ANKFN1: variants seen among roughly 807,000 people sequenced by gnomAD.
The protein encoded by ANKFN1 is ankyrin repeat and fibronectin type-III domain-containing protein 1.
In ANKFN1, 74 loss-of-function variants were observed where a neutral mutation model predicts 108.7. That is an observed-to-expected ratio of 0.68 (90% confidence interval 0.56 to 0.83). ANKFN1 has a LOEUF of 0.83. ANKFN1 is among the 40% of genes least tolerant of loss of function. The pLI is 0.00. For synonymous variants in ANKFN1, 547 were observed against 516.2 expected, an observed-to-expected ratio of 1.06 and a Z score of -0.81; for missense variants, 1,505 against 1,382.3, an observed-to-expected ratio of 1.09 and a Z score of -1.41.
At chr17:56,386,235 A>G (rs2047263252) in intron 8 of ANKFN1, among the ~76,000 whole-genome samples, 1 of 149,530 alleles carries the variant, frequency 6.7e-6, no homozygotes, top group Non-Finnish European at 1.5e-5. Context: ...AAAACCAAAC[A>G]CCATATGTTC....
chr17:56,456,401 C>CTTTTTTTTTTTTTTTTTT (rs397713657), intron 11 of ANKFN1, among the ~76,000 whole-genome samples: 1 of 115,498 alleles, frequency 8.7e-6, no homozygotes, highest in African/African-American at 3.3e-5. Flanking sequence ...CTTTTTTTCT[C>CTTTTTTTTTTTTTTTTTT]TTTTTTTTTT....
At chr17:56,309,712 A>G (rs1352329069) in intron 3 of ANKFN1, among the ~76,000 whole-genome samples, 1 of 152,206 alleles carries the variant, frequency 6.6e-6, no homozygotes, top group Non-Finnish European at 1.5e-5. Flanking sequence ...TTTTTCTTAT[A>G]CATACATACC....
At chr17:56,106,692 T>C (rs1905758901) in intron 4 of ANKFN1, among the ~76,000 whole-genome samples, 1 of 152,200 alleles carries the variant, frequency 6.6e-6, no homozygotes, top group Non-Finnish European at 1.5e-5. Context: ...TCTTCTCACT[T>C]GGGAATAATA....
At chr17:56,331,166 A>G (rs1303403742) in intron 4 of ANKFN1, among the ~76,000 whole-genome samples, 5 of 152,210 alleles carry the variant, frequency 3.3e-5, no homozygotes, top group Admixed American at 2.6e-4. Context: ...AATTGCTTCT[A>G]GAGCTTCTCA....
chr17:56,486,108 C>T (rs997661621), intron 18 of ANKFN1, among the ~76,000 whole-genome samples: 26 of 152,310 alleles, frequency 1.7e-4, no homozygotes, highest in African/African-American at 3.8e-4. Flanking sequence ...AATATGAGAG[C>T]ATCAGATACT....
At chr17:56,188,235 G>C (rs961733004) in intron 1 of ANKFN1, among the ~76,000 whole-genome samples, 5 of 151,960 alleles carry the variant, frequency 3.3e-5, no homozygotes, top group Non-Finnish European at 7.4e-5. Flanking sequence ...CAGTGTTTCT[G>C]TAACAAGTTA....
At chr17:56,381,044 C>T (rs1598490658) in intron 8 of ANKFN1, among the ~76,000 whole-genome samples, 2 of 152,092 alleles carry the variant, frequency 1.3e-5, no homozygotes, top group African/African-American at 4.8e-5. Flanking sequence ...CCCCCAGTAG[C>T]GGCAGACTGA....
At chr17:56,456,185 G>A (rs936532506) in intron 11 of ANKFN1, among the ~76,000 whole-genome samples, 2 of 152,112 alleles carry the variant, frequency 1.3e-5, no homozygotes, top group Admixed American at 6.5e-5. Flanking sequence ...AATGTTAGAA[G>A]GCAATTGCGG....
At chr17:56,172,224 C>T (rs1351735188) in intron 1 of ANKFN1, among the ~76,000 whole-genome samples, 4 of 152,004 alleles carry the variant, frequency 2.6e-5, no homozygotes, top group African/African-American at 9.7e-5. Context: ...CAAATGCATG[C>T]CTGTCTAATT....
intron 4 of ANKFN1, among the ~76,000 whole-genome samples, chr17:56,089,342 A>G (rs1214754716): frequency 1.3e-5 from 2 of 151,416 alleles, no homozygotes; most frequent in Non-Finnish European, 2.9e-5. Context: ...AGGTTTTACT[A>G]CCATAAATAA....
At chr17:56,492,460 C>A in intron 19 of ANKFN1, 107 bp downstream of exon 19, 1 of 612,190 alleles carries the variant, frequency 1.6e-6, no homozygotes, top group South Asian at 1.9e-5. Context: ...ATTCAAAGAA[C>A]ACGGTGTGTA....
chr17:56,489,113 T>C (rs2050946991), intron 18 of ANKFN1, among the ~76,000 whole-genome samples: 1 of 152,234 alleles, frequency 6.6e-6, no homozygotes, highest in Non-Finnish European at 1.5e-5. Context: ...GTCAGATGGC[T>C]AAGCCCATGT....
chr17:56,354,071 T>C (rs770524033), intron 6 of ANKFN1, 25 bp downstream of exon 6: 5 of 1,608,376 alleles, frequency 3.1e-6, no homozygotes, highest in Admixed American at 3.4e-5. Flanking sequence ...AATAAACACA[T>C]GTACTATTAA....
chr17:56,491,880 G>A (rs1028579131), intron 18 of ANKFN1, among the ~76,000 whole-genome samples: 1 of 152,078 alleles, frequency 6.6e-6, no homozygotes. Flanking sequence ...GTGTATATGT[G>A]TGTGTGTACA....
intron 3 of ANKFN1, among the ~76,000 whole-genome samples, chr17:56,265,636 C>G (rs2043629348): frequency 6.6e-6 from 1 of 152,148 alleles, no homozygotes; most frequent in South Asian, 2.1e-4. Flanking sequence ...CTTCAGTATT[C>G]AAGAAGGATT....
chr17:56,349,804 A>G (rs2046200185), intron 4 of ANKFN1, among the ~76,000 whole-genome samples: 1 of 152,098 alleles, frequency 6.6e-6, no homozygotes, highest in Non-Finnish European at 1.5e-5. Flanking sequence ...ATCTGAGGGG[A>G]AGTGGTGAGA....
intron 4 of ANKFN1, among the ~76,000 whole-genome samples, chr17:56,088,142 A>G (rs770601895): frequency 1.3e-5 from 2 of 151,228 alleles, no homozygotes; most frequent in South Asian, 2.1e-4. Flanking sequence ...ATAATTTTCA[A>G]CCACCTTCAG....
chr17:56,083,803 G>T (rs185114954), intron 4 of ANKFN1, among the ~76,000 whole-genome samples: 1 of 151,496 alleles, frequency 6.6e-6, no homozygotes, highest in East Asian at 1.9e-4. Context: ...GATTACATAG[G>T]ACCTTTGTTT....
intron 19 of ANKFN1, among the ~76,000 whole-genome samples, chr17:56,496,046 CA>C (rs1164419384): frequency 6.6e-6 from 1 of 151,966 alleles, no homozygotes; most frequent in African/African-American, 2.4e-5. Flanking sequence ...ACCTTAAAAT[CA>C]GGGGGATTAT....
Sources: allele counts gnomAD v4.1 joint callset (sites outside exome capture counted in the v4.1 genomes callset), GRCh38; gene constraint gnomAD v4.1.1; transcripts MANE v1.5; gene names NCBI Gene and HGNC (gene_info 2026-07-23, HGNC 2026-07-21).